Variants in ANO6 observed in about 807,000 individuals in gnomAD.
The protein encoded by ANO6 is anoctamin-6.
A neutral mutation model predicts 117.5 loss-of-function variants in ANO6; 106 were observed. The observed-to-expected ratio is 0.90, with a 90% CI of 0.77 to 1.06. ANO6 has a LOEUF of 1.06. Ranked by LOEUF, ANO6 falls within the 50% of genes least tolerant of loss-of-function variation. The pLI is 0.00. For synonymous variants in ANO6, 367 were observed against 385.1 expected (o/e 0.95, Z 0.55); for missense variants, 955 against 1,121.1 (o/e 0.85, Z 2.12).
chr12:45,265,143 G>T (rs1230701455), intron 1 of ANO6, among the ~76,000 whole-genome samples: 4 of 152,252 alleles, frequency 2.6e-5, no homozygotes, highest in African/African-American at 9.6e-5. Flanking sequence ...CATTAATTTT[G>T]TGTTTCAAAA....
At chr12:45,247,777 T>G (rs1258512216) in intron 1 of ANO6, among the ~76,000 whole-genome samples, 1 of 152,110 alleles carries the variant, frequency 6.6e-6, no homozygotes, top group Non-Finnish European at 1.5e-5. Flanking sequence ...AGGGAACTAA[T>G]CCCCTTGTGA....
At chr12:45,385,666 G>C (rs1053302005) in intron 10 of ANO6, among the ~76,000 whole-genome samples, 8 of 152,106 alleles carry the variant, frequency 5.3e-5, no homozygotes, top group African/African-American at 1.9e-4. Flanking sequence ...GTGCCCTCTA[G>C]ATTTCCATCC....
At chr12:45,373,069 C>T (rs1209832630) in intron 9 of ANO6, among the ~76,000 whole-genome samples, 2 of 151,966 alleles carry the variant, frequency 1.3e-5, no homozygotes, top group African/African-American at 4.8e-5. Context: ...ATCCTAGTCT[C>T]TGATAAAACA....
chr12:45,290,134 G>A lies in ANO6; in HGVS notation c.71-11880G>A, dbSNP rs186369214. On this transcript the variant is annotated intron_variant, in intron 1 of 19. Coordinates refer to ENST00000320560, the MANE Select transcript of ANO6 (RefSeq NM_001025356.3). ...GGCATGCTGTTCCAGACTTCACTGGGGGTGCATTAGTAATAGAGACAATAT... is the reference window on the plus strand; with the variant it reads ...GGCATGCTGTTCCAGACTTCACTGGAGGTGCATTAGTAATAGAGACAATAT... Among the ~76,000 whole-genome samples the A allele has an allele frequency of 5.1e-4, 77 of 152,104 alleles. 1 individual carries two copies. In the South Asian group the frequency reaches 0.012, roughly 23 times the overall value.
chr12:45,391,392 A>T (rs1942445945), intron 12 of ANO6, among the ~76,000 whole-genome samples: 1 of 152,216 alleles, frequency 6.6e-6, no homozygotes, highest in Non-Finnish European at 1.5e-5. Context: ...CATGAAGCCT[A>T]GAAATAGCCC....
At chr12:45,231,630 G>A (rs769062945) in intron 1 of ANO6, among the ~76,000 whole-genome samples, 36 of 152,230 alleles carry the variant, frequency 2.4e-4, no homozygotes, top group South Asian at 8.3e-4. Flanking sequence ...TGCAGTTCTC[G>A]TTGTCCACTG....
intron 1 of ANO6, among the ~76,000 whole-genome samples, chr12:45,217,732 C>T (rs1336189738): frequency 6.6e-6 from 1 of 152,174 alleles, no homozygotes; most frequent in Non-Finnish European, 1.5e-5. Context: ...GTCACTCTGG[C>T]TGTTACTACT....
intron 1 of ANO6, among the ~76,000 whole-genome samples, chr12:45,241,214 C>T (rs1017418660): frequency 5.9e-5 from 9 of 152,234 alleles, no homozygotes; most frequent in African/African-American, 1.9e-4. Context: ...GGTCTTTTCA[C>T]ATAGTCCCAT....
intron 1 of ANO6, among the ~76,000 whole-genome samples, chr12:45,276,702 A>G (rs1439933560): frequency 6.6e-6 from 1 of 152,208 alleles, no homozygotes; most frequent in Non-Finnish European, 1.5e-5. Context: ...ATTGTGGAAT[A>G]TAAGCTTCCT....
rs149183633 is a variant in ANO6 at position 45,241,365 on chromosome 12, G to A, written c.70+24974G>A. ...ATCAGCTATTGAAGCTTCTGCATGC[G>A]TCACAAAGTTCTCATACCATGGTTT... is the stretch of plus-strand genomic sequence containing the variant. On this transcript the variant is annotated intron_variant, in intron 1 of 19. Coordinates refer to ENST00000320560, the MANE Select transcript of ANO6 (RefSeq NM_001025356.3). 4.3e-3 allele frequency among the ~76,000 whole-genome samples: 657 copies of A among 152,160 alleles called. 6 individuals are homozygous for A. The highest frequency in any genetic ancestry group is 0.015 in the African/African-American group (619 of 41,498).
Position 45,321,020 on chromosome 12 carries a change from G to A in ANO6, c.151-10275G>A, listed in dbSNP as rs977958362. On this transcript the variant is annotated intron_variant, in intron 2 of 19. Coordinates refer to ENST00000320560, the MANE Select transcript of ANO6 (RefSeq NM_001025356.3). ...TTTGAGCCTATGTGTGTCTCTGCAC[G>A]TGAGATGGGTTTCCTGAATACAGCA... 4.6e-5 allele frequency among the ~76,000 whole-genome samples: 7 copies of A among 152,006 alleles called. 1 individual carries two copies. Among genetic ancestry groups the A allele is most frequent in the East Asian group, 3.9e-4 (2 of 5,150 alleles).
intron 4 of ANO6, chr12:45,347,486 T>C (rs894022231): frequency 5.1e-6 from 1 of 197,024 alleles, no homozygotes; most frequent in African/African-American, 2.3e-5. Context: ...AAAATATATA[T>C]GTACACATTT....
At chr12:45,415,206 C>G (rs1454388775) in intron 16 of ANO6, among the ~76,000 whole-genome samples, 2 of 149,628 alleles carry the variant, frequency 1.3e-5, no homozygotes, top group Admixed American at 1.3e-4. Flanking sequence ...ACCACTCATT[C>G]ATTCATCATT....
intron 9 of ANO6, among the ~76,000 whole-genome samples, chr12:45,372,683 G>A (rs1941879956): frequency 6.6e-6 from 1 of 151,858 alleles, no homozygotes; most frequent in South Asian, 2.1e-4. Context: ...TCACCACCAG[G>A]CCTGCCCTAA....
At chr12:45,231,392 TGTTA>T (rs1947572091) in intron 1 of ANO6, among the ~76,000 whole-genome samples, 2 of 152,198 alleles carry the variant, frequency 1.3e-5, no homozygotes, top group African/African-American at 4.8e-5. Context: ...TATAACCAAA[TGTTA>T]GAACTTAAAC....
chr12:45,306,865 G>T (rs1939687964), intron 2 of ANO6, among the ~76,000 whole-genome samples: 1 of 152,006 alleles, frequency 6.6e-6, no homozygotes, highest in Non-Finnish European at 1.5e-5. Flanking sequence ...TAAATAGGGT[G>T]TTTAGGGAAT....
At chr12:45,384,738 A>T (rs1942251923) in intron 10 of ANO6, among the ~76,000 whole-genome samples, 6 of 152,204 alleles carry the variant, frequency 3.9e-5, no homozygotes, top group Admixed American at 3.9e-4. Context: ...AGACCACTAT[A>T]AAAGATACAA....
intron 1 of ANO6, among the ~76,000 whole-genome samples, chr12:45,292,349 TAG>T (rs1939130203): frequency 6.6e-6 from 1 of 152,200 alleles, no homozygotes. Flanking sequence ...GCTTAATGGT[TAG>T]AGTTTCTGGG....
chr12:45,334,514 T>C lies in ANO6; in HGVS notation c.279+3091T>C, dbSNP rs541849403. On this transcript the variant is annotated intron_variant, in intron 3 of 19. Transcript: ENST00000320560. ...AATGCCCCTTCTCAGGGCTGTTTTT[T>C]AAGAGGGAAGAAAGCTCCTCTGGAA... 3.2e-4 allele frequency among the ~76,000 whole-genome samples: 48 copies of C among 152,174 alleles called. 1 individual carries two copies. Among genetic ancestry groups the C allele is most frequent in the African/African-American group, 1.1e-3 (47 of 41,540 alleles).
Sources: allele counts gnomAD v4.1 joint callset (sites outside exome capture counted in the v4.1 genomes callset), GRCh38; gene constraint gnomAD v4.1.1; transcripts MANE v1.5; gene names NCBI Gene and HGNC (gene_info 2026-07-23, HGNC 2026-07-21).